The following SPAG16 variants were observed in gnomAD, a reference collection of about 807,000 sequenced individuals.
SPAG16 encodes sperm-associated antigen 16 protein.
SPAG16 carries 86 observed loss-of-function variants against 80.4 expected under a neutral mutation model. That is an observed-to-expected ratio of 1.07 (90% CI 0.90 to 1.28). The LOEUF is 1.28. Ranked by LOEUF, SPAG16 falls within the 50% of genes most tolerant of loss-of-function variation. The pLI is 0.00. For synonymous variants in SPAG16, 294 were observed against 265.9 expected, an observed-to-expected ratio of 1.11 and a Z score of -1.03; for missense variants, 870 against 765.3, an observed-to-expected ratio of 1.14 and a Z score of -1.61.
chr2:213,651,350 T>C (rs959089801), intron 10 of SPAG16, among the ~76,000 whole-genome samples: 1 of 152,160 alleles, frequency 6.6e-6, no homozygotes, highest in Non-Finnish European at 1.5e-5. Context: ...CCCACAAATA[T>C]GAGCTGAAGC....
chr2:213,484,094 GCCTTA>G (rs1021039071), intron 9 of SPAG16, among the ~76,000 whole-genome samples: 1 of 147,364 alleles, frequency 6.8e-6, no homozygotes, highest in Non-Finnish European at 1.5e-5. Context: ...TATGGCTTCA[GCCTTA>G]TCTTATATGA....
chr2:214,011,820 T>G (rs2047294533), intron 12 of SPAG16, among the ~76,000 whole-genome samples: 1 of 152,184 alleles, frequency 6.6e-6, no homozygotes, highest in Non-Finnish European at 1.5e-5. Flanking sequence ...ATAATTTACA[T>G]ACATATTCAT....
At chr2:213,473,101 T>C (rs2073176308) in intron 9 of SPAG16, among the ~76,000 whole-genome samples, 1 of 152,204 alleles carries the variant, frequency 6.6e-6, no homozygotes, top group Non-Finnish European at 1.5e-5. Flanking sequence ...CCCTTCTACG[T>C]AGAAGTTTTC....
In SPAG16 at chr2:213,963,853, T is replaced by C. The variant is rs567727819; in HGVS notation, c.1400+33708T>C. Among the ~76,000 whole-genome samples, 11 of 152,098 alleles carry C rather than the reference T, an allele frequency of 7.2e-5. No individual in the cohort carries two copies. The East Asian group carries it at 7.7e-4, about 11-fold the overall frequency. On this transcript the variant is annotated intron_variant, in intron 12 of 15. Coordinates refer to ENST00000331683, the MANE Select transcript of SPAG16 (RefSeq NM_024532.5). ...TAGTATAGTTACTCCAACTCTCTTA[T>C]GCTTACTGTTACTGTTTAATGGTGT...
chr2:213,642,820 CAAAAAAAAAAA>C (rs766759239), intron 10 of SPAG16, among the ~76,000 whole-genome samples: 55 of 1,136 alleles, frequency 0.048, 11 homozygotes, highest in East Asian at 0.12. Context: ...GACTCTGTCT[CAAAAAAAAAAA>C]AAAAAAAAAA....
chr2:213,445,379 T>C (rs1015346361), intron 9 of SPAG16, among the ~76,000 whole-genome samples: 1 of 152,132 alleles, frequency 6.6e-6, no homozygotes, highest in African/African-American at 2.4e-5. Flanking sequence ...CCAACAGATA[T>C]AGCTGGGCGT....
chr2:213,583,836 C>T (rs2060376759), intron 10 of SPAG16, among the ~76,000 whole-genome samples: 1 of 152,076 alleles, frequency 6.6e-6, no homozygotes, highest in Non-Finnish European at 1.5e-5. Flanking sequence ...TCTATGATTT[C>T]TTTTAAAACA....
chr2:213,623,078 A>G (rs1263618670), intron 10 of SPAG16, among the ~76,000 whole-genome samples: 1 of 152,136 alleles, frequency 6.6e-6, no homozygotes, highest in Non-Finnish European at 1.5e-5. Flanking sequence ...CTAGGTGTAG[A>G]TATTCATATT....
intron 10 of SPAG16, among the ~76,000 whole-genome samples, chr2:213,613,684 G>T (rs766409922): frequency 6.6e-6 from 1 of 151,914 alleles, no homozygotes; most frequent in Non-Finnish European, 1.5e-5. Flanking sequence ...TAGGTTTATT[G>T]TTCTCTGCCT....
At chr2:213,296,595 T>TA (rs2062508963) in intron 2 of SPAG16, among the ~76,000 whole-genome samples, 1 of 152,192 alleles carries the variant, frequency 6.6e-6, no homozygotes, top group South Asian at 2.1e-4. Flanking sequence ...ACTTGGAGGA[T>TA]AAAATCACTG....
chr2:213,482,170 C>T (rs910578618), intron 9 of SPAG16, among the ~76,000 whole-genome samples: 1 of 152,256 alleles, frequency 6.6e-6, no homozygotes, highest in East Asian at 1.9e-4. Context: ...ATCATAATCA[C>T]TGAGGACCAC....
intron 10 of SPAG16, among the ~76,000 whole-genome samples, chr2:213,789,738 A>G (rs548346614): frequency 6.1e-4 from 93 of 152,024 alleles, no homozygotes; most frequent in African/African-American, 2.2e-3. Flanking sequence ...ATGATGCTAG[A>G]ATTTCCAAAT....
intron 9 of SPAG16, among the ~76,000 whole-genome samples, chr2:213,474,143 C>T (rs2073248366): frequency 6.6e-6 from 1 of 152,128 alleles, no homozygotes; most frequent in East Asian, 1.9e-4. Flanking sequence ...ACTCAGTGTC[C>T]CCATCTTCAT....
intron 10 of SPAG16, among the ~76,000 whole-genome samples, chr2:213,599,590 A>C (rs1481822201): frequency 1.3e-5 from 2 of 152,234 alleles, no homozygotes; most frequent in Admixed American, 6.5e-5. Context: ...GTAAGAATAC[A>C]GTATATAATA....
At chr2:213,618,004 G>T (rs1050051720) in intron 10 of SPAG16, among the ~76,000 whole-genome samples, 1 of 152,128 alleles carries the variant, frequency 6.6e-6, no homozygotes, top group Non-Finnish European at 1.5e-5. Flanking sequence ...TGTCAAGGTT[G>T]AGGTTGTAGC....
chr2:213,919,994 A>G (rs879040799), intron 11 of SPAG16, among the ~76,000 whole-genome samples: 1 of 152,190 alleles, frequency 6.6e-6, no homozygotes, highest in African/African-American at 2.4e-5. Flanking sequence ...ATATATATTT[A>G]GAATAGTTAG....
rs1310172801 is a variant in SPAG16, at chr2:214,078,989, G to A, written c.1528-29207G>A. ...GGCAGCAACAACCAACGAGAAGCTG[G>A]GTTAGCGCTTGGTAACAGTCTTGGT... On this transcript the variant is annotated intron_variant, in intron 13 of 15. Transcript: ENST00000331683. Among the ~76,000 whole-genome samples the A allele has an allele frequency of 2.6e-5, 4 of 152,058 alleles. No homozygotes were observed. The East Asian group carries it at 7.7e-4, about 29-fold the overall frequency.
intron 15 of SPAG16, among the ~76,000 whole-genome samples, chr2:214,256,047 A>C (rs1690662414): frequency 4.6e-5 from 7 of 151,928 alleles, no homozygotes; most frequent in Admixed American, 4.6e-4. Context: ...CATAATAAGG[A>C]TATAATGTTA....
intron 10 of SPAG16, among the ~76,000 whole-genome samples, chr2:213,578,954 A>G (rs922616076): frequency 2.0e-5 from 3 of 152,118 alleles, no homozygotes; most frequent in Non-Finnish European, 4.4e-5. Context: ...TTTTATCATA[A>G]AAACCCATTT....
Sources: gnomAD v4.1 joint callset for allele counts (sites outside exome capture counted in the v4.1 genomes callset) on GRCh38, gnomAD v4.1.1 for gene constraint, MANE v1.5 for transcripts, NCBI Gene and HGNC (gene_info 2026-07-23, HGNC 2026-07-21) for gene names.